PCDHA8: variants seen among roughly 807,000 people sequenced by gnomAD.
PCDHA8 encodes protocadherin alpha 8, also known as protocadherin alpha-8.
A neutral mutation model predicts 61.8 loss-of-function variants in PCDHA8; 53 were observed. The observed-to-expected ratio is 0.86, with a 90% CI of 0.69 to 1.08. The LOEUF is 1.08. PCDHA8 is among the 50% of genes least tolerant of loss of function. The pLI, the probability that PCDHA8 is intolerant of heterozygous loss-of-function variation, is 0.00. For missense variants in PCDHA8, 1,293 were observed against 1,245.0 expected (o/e 1.04, Z -0.58); for synonymous variants, 618 against 556.6 (o/e 1.11, Z -1.55).
chr5:140,959,780 A>G (rs2095510657), intron 1 of PCDHA8, among the ~76,000 whole-genome samples: 1 of 152,262 alleles, frequency 6.6e-6, no homozygotes. Flanking sequence ...AACAGTGTAT[A>G]TTAACATGGC....
At chr5:140,901,329 T>A (rs180738358) in intron 1 of PCDHA8, among the ~76,000 whole-genome samples, 102 of 152,302 alleles carry the variant, frequency 6.7e-4, no homozygotes, top group Admixed American at 1.2e-3. Context: ...TTTCTTGTAG[T>A]CGTTTTATAG....
chr5:140,941,573 C>T (rs1220556647), intron 1 of PCDHA8, among the ~76,000 whole-genome samples: 1 of 152,108 alleles, frequency 6.6e-6, no homozygotes, highest in African/African-American at 2.4e-5. Flanking sequence ...CCTCAGCCTC[C>T]CAAAGTGCTG....
At chr5:140,919,050 G>T (rs2153552038) in intron 1 of PCDHA8, among the ~76,000 whole-genome samples, 1 of 152,302 alleles carries the variant, frequency 6.6e-6, no homozygotes, top group Admixed American at 6.5e-5. Context: ...ATTATTGGAA[G>T]TGGAGTATTA....
intron 3 of PCDHA8, among the ~76,000 whole-genome samples, chr5:140,983,234 G>C (rs1021819523): frequency 6.6e-6 from 1 of 152,196 alleles, no homozygotes; most frequent in Non-Finnish European, 1.5e-5. Context: ...TTTCAGGAAA[G>C]AGAACCTGCT....
At chr5:140,857,914 C>A (rs781836779) in intron 1 of PCDHA8, 4 of 1,597,754 alleles carry the variant, frequency 2.5e-6, no homozygotes, top group South Asian at 2.2e-5. Flanking sequence ...TCCCGTTTCG[C>A]GTGGGGCTGT....
chr5:140,876,967 G>A (rs200960356), intron 1 of PCDHA8: 7 of 1,612,934 alleles, frequency 4.3e-6, no homozygotes, highest in African/African-American at 2.7e-5. Context: ...GGAGCGGCGG[G>A]TGGGCGAGCA....
At chr5:140,920,516 A>G (rs2079670610) in intron 1 of PCDHA8, among the ~76,000 whole-genome samples, 1 of 152,156 alleles carries the variant, frequency 6.6e-6, no homozygotes, top group African/African-American at 2.4e-5. Flanking sequence ...GTTTTATGCA[A>G]TTCGTTAGAC....
intron 3 of PCDHA8, among the ~76,000 whole-genome samples, chr5:140,995,648 G>A (rs548703031): frequency 1.3e-5 from 2 of 152,248 alleles, no homozygotes; most frequent in South Asian, 2.1e-4. Flanking sequence ...TAGAAAAGGA[G>A]AATCGAAAAG....
chr5:140,882,152 G>A (rs1582595300), intron 1 of PCDHA8: 2 of 1,505,314 alleles, frequency 1.3e-6, no homozygotes, highest in Non-Finnish European at 8.9e-7. Flanking sequence ...GCAGAAAGCG[G>A]AATACCTCTT....
chr5:140,854,460 A>G (rs2043130450), intron 1 of PCDHA8: 1 of 150,030 alleles, frequency 6.7e-6, no homozygotes, highest in Non-Finnish European at 1.5e-5. Context: ...GAGGCATTCC[A>G]GAGGAGTAGA....
chr5:140,843,138 G>A lies in PCDHA8; in HGVS notation c.1817G>A (p.Trp606Ter). The stretch of plus-strand genomic sequence containing the variant: ...GACGCCGACTCGGGCTACAACGCGT[G>A]GCTTTCGTATGAGCTGCAGCCAGCT... The part of the protein sequence containing the change: ...AVDADSGYNA[W>*]LSYELQPAAS... Residue 606 changes from tryptophan to a stop codon, truncating the protein, a stop_gained, in exon 1 of 4, where the codon TGG becomes TAG. Coordinates refer to ENST00000531613, the MANE Select transcript of PCDHA8 (RefSeq NM_018911.3). LOFTEE classifies it high-confidence loss of function. 1.3e-6 allele frequency: 2 copies of A among 1,596,034 alleles called. 1 individual carries two copies. The highest frequency in any genetic ancestry group is 1.7e-6 in the Non-Finnish European group (2 of 1,165,594).
chr5:140,899,191 C>G (rs1583332627), intron 1 of PCDHA8, among the ~76,000 whole-genome samples: 2 of 151,090 alleles, frequency 1.3e-5, no homozygotes, highest in Non-Finnish European at 3.0e-5. Flanking sequence ...TTTCCTTCTC[C>G]TGCCTAATTG....
At chr5:140,988,366 G>A (rs1384658783) in intron 3 of PCDHA8, among the ~76,000 whole-genome samples, 2 of 152,122 alleles carry the variant, frequency 1.3e-5, no homozygotes, top group Non-Finnish European at 2.9e-5. Flanking sequence ...TTACTTTCTG[G>A]GGTTGTGAAA....
chr5:140,846,373 CTTT>C (rs374699051), intron 1 of PCDHA8, among the ~76,000 whole-genome samples: 4 of 55,148 alleles, frequency 7.3e-5, no homozygotes, highest in Middle Eastern at 0.012. Flanking sequence ...TTCTTTCTTT[CTTT>C]TTTTTTTTTT....
intron 1 of PCDHA8, among the ~76,000 whole-genome samples, chr5:140,955,262 C>T (rs1473601347): frequency 1.3e-5 from 2 of 152,044 alleles, no homozygotes; most frequent in African/African-American, 4.8e-5. Flanking sequence ...TATAAAGGCT[C>T]TTTTTTGGTT....
intron 1 of PCDHA8, chr5:140,859,687 T>G (rs1196528150): frequency 1.3e-5 from 2 of 154,650 alleles, no homozygotes; most frequent in Non-Finnish European, 2.9e-5. Flanking sequence ...AAATTAAAAT[T>G]ATTGTTCAAG....
chr5:140,896,687 T>G (rs782089227), intron 1 of PCDHA8, among the ~76,000 whole-genome samples: 2 of 152,170 alleles, frequency 1.3e-5, no homozygotes, highest in Non-Finnish European at 2.9e-5. Context: ...CTTTGCCCAT[T>G]TTTTGATGAG....
chr5:141,010,535 C>G lies in PCDHA8; in HGVS notation c.*598C>G, dbSNP rs1423355739. 1 of 386,620 alleles carries G rather than the reference C, an allele frequency of 2.6e-6. No homozygotes were observed. Among genetic ancestry groups the G allele is most frequent in the African/African-American group, 2.0e-5 (1 of 48,880 alleles). 23.9% of individuals were successfully genotyped at this position (386,620 alleles called of 1,614,324 possible). On this transcript the variant is annotated 3_prime_UTR_variant, in exon 4 of 4. Coordinates refer to ENST00000531613, the MANE Select transcript of PCDHA8 (RefSeq NM_018911.3). ...CAACTCAAGAGGTGGCAGCCACCCT[C>G]TAGGAGACAAAACTACCCCCACTGA...
At chr5:140,861,746 A>G (rs1163368847) in intron 1 of PCDHA8, 1 of 145,142 alleles carries the variant, frequency 6.9e-6, no homozygotes, top group African/African-American at 2.8e-5. Context: ...ACTGTGCCGC[A>G]ATGATTATTT....
Sources: allele counts gnomAD v4.1 joint callset (sites outside exome capture counted in the v4.1 genomes callset), GRCh38; gene constraint gnomAD v4.1.1; transcripts MANE v1.5; gene names NCBI Gene and HGNC (gene_info 2026-07-23, HGNC 2026-07-21).